Variants in PPP1R9A observed in about 807,000 individuals in gnomAD.
PPP1R9A encodes the protein neurabin-1.
In PPP1R9A, 59 loss-of-function variants were observed where a neutral mutation model predicts 141.9. The observed-to-expected ratio is 0.42, with a 90% confidence interval of 0.34 to 0.52. The LOEUF (loss-of-function observed/expected upper bound fraction) is 0.52, where lower values mean the gene tolerates loss of function less well. Ranked by LOEUF, PPP1R9A falls within the 20% of genes least tolerant of loss-of-function variation. The pLI, the probability that PPP1R9A is intolerant of heterozygous loss-of-function variation, is 0.10. For synonymous variants in PPP1R9A, 500 were observed against 569.7 expected (o/e 0.88, Z 1.74); for missense variants, 1,444 against 1,611.9 (o/e 0.90, Z 1.78).
At chr7:94,930,398 T>G (rs1222634688) in intron 2 of PPP1R9A, among the ~76,000 whole-genome samples, 2 of 152,168 alleles carry the variant, frequency 1.3e-5, no homozygotes, top group African/African-American at 4.8e-5. Context: ...AGTACAGTGG[T>G]GCAATCTGAG....
At chr7:95,163,742 G>A (rs902069760) in intron 5 of PPP1R9A, among the ~76,000 whole-genome samples, 3 of 151,044 alleles carry the variant, frequency 2.0e-5, no homozygotes, top group Admixed American at 6.6e-5. Context: ...TTTGTTTTTT[G>A]TAGTTGTTAT....
chr7:94,951,441 A>G (rs1796465774), intron 2 of PPP1R9A, among the ~76,000 whole-genome samples: 1 of 152,120 alleles, frequency 6.6e-6, no homozygotes, highest in African/African-American at 2.4e-5. Context: ...GTGTTAAAAA[A>G]TTGTGAATGG....
chr7:95,244,097 A>T (rs905434755), intron 8 of PPP1R9A, among the ~76,000 whole-genome samples: 1 of 152,178 alleles, frequency 6.6e-6, no homozygotes, highest in Admixed American at 6.5e-5. Context: ...GTACTAAGAA[A>T]ATCTTGTCCA....
At position 94,962,667 on chromosome 7, in the gene PPP1R9A, TA is replaced by T. The variant is rs138325874; in HGVS notation, c.1395+51165del. Among the ~76,000 whole-genome samples, 1,450 of 152,148 alleles carry T rather than the reference TA, an allele frequency of 9.5e-3. 30 individuals carry two copies. Among genetic ancestry groups the T allele is most frequent in the African/African-American group, 0.032 (1,335 of 41,510 alleles). On this transcript the variant is annotated intron_variant, in intron 2 of 19. Coordinates refer to ENST00000433360, the MANE Select transcript of PPP1R9A (RefSeq NM_001166160.2). ...ATAAATAGCTAGCAAAATCACACAT[TA>T]AAAAATACATTGAAATGATGTATGT... is the stretch of plus-strand genomic sequence containing the variant.
At chr7:95,215,055 T>C (rs1793012004) in intron 7 of PPP1R9A, among the ~76,000 whole-genome samples, 2 of 152,006 alleles carry the variant, frequency 1.3e-5, no homozygotes, top group Admixed American at 1.3e-4. Flanking sequence ...ATGTGCCATG[T>C]TGGTATGCTG....
intron 2 of PPP1R9A, among the ~76,000 whole-genome samples, chr7:95,019,032 T>TA (rs1805505362): frequency 6.6e-6 from 1 of 152,206 alleles, no homozygotes; most frequent in Admixed American, 6.5e-5. Flanking sequence ...CATTAACTCT[T>TA]AACTTCATAC....
intron 2 of PPP1R9A, among the ~76,000 whole-genome samples, chr7:94,979,014 C>G (rs781571383): frequency 6.6e-5 from 10 of 152,124 alleles, no homozygotes; most frequent in Non-Finnish European, 1.2e-4. Flanking sequence ...CCAGGCTGGT[C>G]TCGAACTGCT....
intron 16 of PPP1R9A, among the ~76,000 whole-genome samples, chr7:95,279,214 A>G (rs909268268): frequency 1.3e-5 from 2 of 152,216 alleles, no homozygotes; most frequent in East Asian, 3.9e-4. Flanking sequence ...TAGATAAATC[A>G]TGGCATGACA....
At chr7:95,288,852 G>C (rs911865417) in intron 19 of PPP1R9A, 134 bp downstream of exon 19, 7 of 1,176,954 alleles carry the variant, frequency 5.9e-6, no homozygotes, top group South Asian at 3.3e-5. Context: ...CAGAAAGGAT[G>C]TTGAATTCTT....
At chr7:95,238,990 CT>C (rs1797086987) in intron 8 of PPP1R9A, among the ~76,000 whole-genome samples, 1 of 151,924 alleles carries the variant, frequency 6.6e-6, no homozygotes, top group Non-Finnish European at 1.5e-5. Flanking sequence ...TAATTTGTAA[CT>C]TTTTAATCTA....
chr7:94,977,894 C>G (rs1799647556), intron 2 of PPP1R9A, among the ~76,000 whole-genome samples: 1 of 151,832 alleles, frequency 6.6e-6, no homozygotes, highest in African/African-American at 2.4e-5. Flanking sequence ...TCCTGAGTAG[C>G]TGGGACTACA....
At chr7:95,243,733 A>G (rs1797762534) in intron 8 of PPP1R9A, among the ~76,000 whole-genome samples, 2 of 152,114 alleles carry the variant, frequency 1.3e-5, no homozygotes, top group Admixed American at 6.6e-5. Context: ...AAGGTGTGTG[A>G]CTTCCCTGAG....
At chr7:95,153,977 G>A (rs1375414505) in intron 4 of PPP1R9A, among the ~76,000 whole-genome samples, 1 of 151,988 alleles carries the variant, frequency 6.6e-6, no homozygotes, top group Admixed American at 6.6e-5. Flanking sequence ...TGTAGTATTA[G>A]TTGTAATGTC....
At chr7:95,191,301 T>C (rs1489641408) in intron 5 of PPP1R9A, among the ~76,000 whole-genome samples, 1 of 152,186 alleles carries the variant, frequency 6.6e-6, no homozygotes, top group Non-Finnish European at 1.5e-5. Context: ...GAGAGGGCAG[T>C]TCTTAGTGAA....
intron 7 of PPP1R9A, among the ~76,000 whole-genome samples, chr7:95,206,851 C>T (rs1395187668): frequency 6.6e-6 from 1 of 152,068 alleles, no homozygotes; most frequent in Non-Finnish European, 1.5e-5. Context: ...CCAGGGTCCA[C>T]CTGATATGGG....
At chr7:94,974,811 TAAGTC>T (rs1217214378) in intron 2 of PPP1R9A, among the ~76,000 whole-genome samples, 2 of 152,250 alleles carry the variant, frequency 1.3e-5, no homozygotes, top group East Asian at 1.9e-4. Context: ...AACTCATAAA[TAAGTC>T]AAGACAAGTT....
At chr7:95,214,214 C>T (rs1429794063) in intron 7 of PPP1R9A, 1 of 152,186 alleles carries the variant, frequency 6.6e-6, no homozygotes, top group Non-Finnish European at 1.5e-5. Flanking sequence ...AGCTGGATGC[C>T]TCTGACTCAG....
In PPP1R9A at chr7:94,910,256, G is replaced by A. The variant is rs968928453; in HGVS notation, c.143G>A (p.Gly48Asp). 1.2e-6 allele frequency: 2 copies of A among 1,614,094 alleles called. No individual in the cohort carries two copies. Among genetic ancestry groups the A allele is most frequent in the South Asian group, 2.2e-5 (2 of 91,066 alleles). Residue 48 changes from glycine to aspartate, a missense_variant, in exon 2 of 20, where the codon GGT becomes GAT. By Grantham distance (94) the Gly-to-Asp change is moderately conservative. Around this residue, in one of 5 missense-constraint regions of PPP1R9A, gnomAD observed 490 missense variants for 521.1 expected, o/e 0.94. Transcript: ENST00000433360. This position sits in a 1 kb window ranked among gnomAD's most constrained non-coding sequence, Gnocchi z 4.5. ...KSDGEQKTKEGEGSQQSRGRK... is the reference protein window; with the variant it reads ...KSDGEQKTKEDEGSQQSRGRK... ...GATGGGGAACAAAAAACAAAAGAAG[G>A]TGAGGGCTCCCAGCAGAGCAGGGGG...
intron 2 of PPP1R9A, among the ~76,000 whole-genome samples, chr7:94,940,522 T>C (rs1338111039): frequency 6.6e-6 from 1 of 152,076 alleles, no homozygotes; most frequent in South Asian, 2.1e-4. Context: ...CTCATAAACA[T>C]GAGTTTGGTA....
Sources: gnomAD v4.1 joint callset for allele counts (sites outside exome capture counted in the v4.1 genomes callset) on GRCh38, gnomAD v4.1.1 for gene constraint, gnomAD v4.1.1 regional missense constraint, Gnocchi (gnomAD v3.1) non-coding constraint, MANE v1.5 for transcripts, NCBI Gene and HGNC (gene_info 2026-07-23, HGNC 2026-07-21) for gene names.